The following SORCS1 variants were observed in gnomAD, a reference collection of about 807,000 sequenced individuals.
SORCS1 encodes the protein sortilin related VPS10 domain containing receptor 1.
SORCS1 carries 60 observed loss-of-function variants against 146.1 expected under a neutral mutation model. That is an observed-to-expected ratio of 0.41 (90% CI 0.33 to 0.51). The LOEUF (loss-of-function observed/expected upper bound fraction) is 0.51. SORCS1 is among the 20% of genes least tolerant of loss of function. SORCS1 has a pLI of 0.21. For synonymous variants in SORCS1, 637 were observed against 584.0 expected, an observed-to-expected ratio of 1.09 and a Z score of -1.31; for missense variants, 1,352 against 1,487.6, an observed-to-expected ratio of 0.91 and a Z score of 1.50.
At chr10:106,688,046 T>G (rs1852993776) in intron 10 of SORCS1, 146 bp downstream of exon 10, 1 of 1,082,336 alleles carries the variant, frequency 9.2e-7, no homozygotes. Context: ...GCTGTGAGTT[T>G]TCTACACCCT....
chr10:107,047,283 C>T lies in SORCS1; in HGVS notation c.559-90703G>A, dbSNP rs527870468. Reference sequence around the variant, plus strand: ...GGATTACAGGCATGAGCCACCATGCCCAGCCAGCATTCTGTTTTATTTTAG... The same window carrying T: ...GGATTACAGGCATGAGCCACCATGCTCAGCCAGCATTCTGTTTTATTTTAG... On this transcript the variant is annotated intron_variant, in intron 1 of 25. Transcript: ENST00000263054. Among the ~76,000 whole-genome samples the T allele has an allele frequency of 3.3e-5, 5 of 152,280 alleles. No homozygotes were observed. The South Asian group carries it at 1.0e-3, about 32-fold the overall frequency.
intron 2 of SORCS1, among the ~76,000 whole-genome samples, chr10:106,929,269 A>T (rs1185421284): frequency 6.6e-6 from 1 of 152,224 alleles, no homozygotes; most frequent in African/African-American, 2.4e-5. Context: ...TGCATTACTC[A>T]TCCTTTTTCT....
At chr10:106,997,297 CCT>C (rs1336843168) in intron 1 of SORCS1, among the ~76,000 whole-genome samples, 2 of 152,186 alleles carry the variant, frequency 1.3e-5, no homozygotes, top group African/African-American at 4.8e-5. Flanking sequence ...CCTGCCCTCA[CCT>C]CTGTGTCCCT....
At chr10:107,086,280 G>A (rs1963753547) in intron 1 of SORCS1, among the ~76,000 whole-genome samples, 1 of 152,140 alleles carries the variant, frequency 6.6e-6, no homozygotes, top group Admixed American at 6.5e-5. Flanking sequence ...ACTTCTCAAA[G>A]CTTGGAAGTG....
intron 3 of SORCS1, among the ~76,000 whole-genome samples, chr10:106,780,673 C>T (rs538189485): frequency 6.6e-6 from 1 of 152,250 alleles, no homozygotes; most frequent in East Asian, 1.9e-4. Flanking sequence ...CTACTTGAGG[C>T]AAGGAAGGTG....
chr10:106,592,085 C>A (rs887387848), intron 24 of SORCS1, among the ~76,000 whole-genome samples: 2 of 152,172 alleles, frequency 1.3e-5, no homozygotes, highest in African/African-American at 4.8e-5. Flanking sequence ...CCACTCAGGC[C>A]ATGACCCTCC....
At chr10:107,077,386 T>G (rs181930185) in intron 1 of SORCS1, among the ~76,000 whole-genome samples, 140 of 152,202 alleles carry the variant, frequency 9.2e-4, no homozygotes, top group African/African-American at 3.0e-3. Context: ...CTCTTGCTAT[T>G]CTTATAAAAC....
chr10:106,945,228 A>T (rs1476988890), intron 2 of SORCS1, among the ~76,000 whole-genome samples: 1 of 152,076 alleles, frequency 6.6e-6, no homozygotes, highest in Non-Finnish European at 1.5e-5. Flanking sequence ...GGCTTCTTAA[A>T]AAGAAGTTGG....
chr10:106,841,631 C>T (rs1949047106), intron 2 of SORCS1, among the ~76,000 whole-genome samples: 1 of 152,180 alleles, frequency 6.6e-6, no homozygotes, highest in Non-Finnish European at 1.5e-5. Context: ...TTGCAGTTGT[C>T]TGGAATCAAA....
intron 1 of SORCS1, among the ~76,000 whole-genome samples, chr10:107,010,814 G>A (rs1242069137): frequency 6.6e-6 from 1 of 152,160 alleles, no homozygotes; most frequent in South Asian, 2.1e-4. Context: ...TGGCAGAGGT[G>A]TCCTGCATGG....
At chr10:106,780,901 A>G (rs1019036427) in intron 3 of SORCS1, among the ~76,000 whole-genome samples, 1 of 152,214 alleles carries the variant, frequency 6.6e-6, no homozygotes, top group African/African-American at 2.4e-5. Flanking sequence ...AAGGAAGAAG[A>G]AACTTTATTT....
chr10:107,066,467 C>G (rs1426671561), intron 1 of SORCS1, among the ~76,000 whole-genome samples: 1 of 152,206 alleles, frequency 6.6e-6, no homozygotes, highest in Non-Finnish European at 1.5e-5. Flanking sequence ...CTTTAGTCTT[C>G]CTTTTCAAAT....
intron 1 of SORCS1, among the ~76,000 whole-genome samples, chr10:107,104,503 G>C (rs1183116452): frequency 6.6e-6 from 1 of 152,146 alleles, no homozygotes; most frequent in African/African-American, 2.4e-5. Flanking sequence ...CTGGAGTGTG[G>C]GAACTGCTCT....
intron 3 of SORCS1, among the ~76,000 whole-genome samples, chr10:106,810,318 C>T (rs1333716744): frequency 1.3e-5 from 2 of 152,188 alleles, no homozygotes; most frequent in South Asian, 4.1e-4. Context: ...CAATATAACC[C>T]CCTCTTCACT....
chr10:106,593,689 A>G (rs1845745264), intron 24 of SORCS1, among the ~76,000 whole-genome samples: 1 of 152,250 alleles, frequency 6.6e-6, no homozygotes, highest in Non-Finnish European at 1.5e-5. Context: ...CAAAACTAAC[A>G]GGAAAGATTT....
intron 3 of SORCS1, among the ~76,000 whole-genome samples, chr10:106,791,943 AT>A (rs773882146): frequency 2.6e-5 from 4 of 151,912 alleles, no homozygotes; most frequent in Non-Finnish European, 5.9e-5. Context: ...TCCTTTTGTC[AT>A]TTATGTTTAC....
At chr10:106,617,653 G>A (rs1284829573) in intron 21 of SORCS1, among the ~76,000 whole-genome samples, 3 of 152,008 alleles carry the variant, frequency 2.0e-5, no homozygotes, top group African/African-American at 7.3e-5. Flanking sequence ...GGCTATGTAC[G>A]ACATCTAATT....
Position 106,761,626 on chromosome 10 carries a change from C to G in SORCS1, c.921G>C (p.Gln307His), listed in dbSNP as rs1859115690. The change falls in exon 5 of 26, where the codon CAG becomes CAC. Residue 307 changes from glutamine to histidine, a missense_variant. Physicochemically the swap from Gln to His is conservative, Grantham distance 24 (BLOSUM62 0). Transcript: ENST00000263054. ...TTGGTACAACCCCTTCTTGGATAAG[C>G]TGCCATCTTCTCCCAAATTCAGCAG... ...YSSAEFGRRW[Q>H]LIQEGVVPNR... The G allele has an allele frequency of 6.2e-7, 1 of 1,614,150 alleles. No homozygotes were observed. The highest frequency in any genetic ancestry group is 8.5e-7 in the Non-Finnish European group (1 of 1,180,014).
intron 24 of SORCS1, among the ~76,000 whole-genome samples, chr10:106,584,460 G>C (rs937284833): frequency 6.6e-6 from 1 of 152,170 alleles, no homozygotes; most frequent in African/African-American, 2.4e-5. Flanking sequence ...CAAGTAAAGA[G>C]TAAACAGTCA....
Sources: allele counts gnomAD v4.1 joint callset (sites outside exome capture counted in the v4.1 genomes callset), GRCh38; gene constraint gnomAD v4.1.1; transcripts MANE v1.5; gene names NCBI Gene and HGNC (gene_info 2026-07-23, HGNC 2026-07-21).